Variants in EDA2R observed in about 807,000 individuals in gnomAD.
EDA2R encodes tumor necrosis factor receptor superfamily member 27.
EDA2R carries 26 observed loss-of-function variants against 20.1 expected under a neutral mutation model. The observed-to-expected ratio is 1.30, with a 90% CI of 0.95 to 1.80. EDA2R has a LOEUF of 1.80. Ranked by LOEUF, EDA2R falls within the 40% of genes most tolerant of loss-of-function variation. The pLI is 0.00. For missense variants in EDA2R, 277 were observed against 228.7 expected, an observed-to-expected ratio of 1.21 and a Z score of -1.36; for synonymous variants, 114 against 88.7, an observed-to-expected ratio of 1.29 and a Z score of -1.60.
intron 2 of EDA2R, among the ~76,000 whole-genome samples, chrX:66,612,520 C>T (rs1156566152): frequency 1.8e-5 from 2 of 110,351 alleles, no homozygotes; most frequent in East Asian, 5.7e-4. Context: ...CTCAGAACCA[C>T]CTCTAAAAAA....
rs1927581222 is a variant in EDA2R, at chrX:66,597,084, A to T, written c.*1020T>A. On this transcript the variant is annotated 3_prime_UTR_variant, in exon 7 of 7. Transcript: ENST00000374719. ...GCTAGAACCTGGTGATGAAGTGCAC[A>T]TTCTGCCTAATGTACTTAATAAACC... The T allele has an allele frequency of 8.8e-6, 1 of 113,247 alleles. No individual in the cohort carries two copies. The highest frequency in any genetic ancestry group is 9.3e-5 in the Admixed American group (1 of 10,783). The allele number at this position is 113,247 out of a possible 1,213,427, so 9.3% of individuals were successfully genotyped here.
intron 2 of EDA2R, among the ~76,000 whole-genome samples, chrX:66,609,999 G>A (rs1462200831): frequency 1.8e-5 from 2 of 110,876 alleles, no homozygotes; most frequent in Admixed American, 9.6e-5. Context: ...ACTGCAACAC[G>A]AAGTCCAGAA....
chrX:66,632,809 T>A (rs1313024453), intron 1 of EDA2R, among the ~76,000 whole-genome samples: 1 of 111,660 alleles, frequency 9.0e-6, no homozygotes, highest in African/African-American at 3.3e-5. Context: ...GTGCCTGGAA[T>A]AGACATAATG....
At chrX:66,609,117 C>T (rs765731388) in intron 2 of EDA2R, among the ~76,000 whole-genome samples, 1 of 111,565 alleles carries the variant, frequency 9.0e-6, no homozygotes, top group African/African-American at 3.3e-5. Context: ...TTTAATAAGG[C>T]TGCTTAAAAA....
chrX:66,598,715 G>T (rs949094414), intron 6 of EDA2R, among the ~76,000 whole-genome samples: 2 of 112,099 alleles, frequency 1.8e-5, no homozygotes, highest in Non-Finnish European at 3.8e-5. Context: ...ATTTGTTCAC[G>T]TTTTCTTAGG....
chrX:66,606,762 C>T (rs1346427348), intron 2 of EDA2R, among the ~76,000 whole-genome samples: 1 of 112,219 alleles, frequency 8.9e-6, no homozygotes, highest in Non-Finnish European at 1.9e-5. Context: ...AGCCTGTATT[C>T]CTAGTGTGAG....
Position 66,597,926 on chromosome X carries a change from T to C in EDA2R, c.*178A>G, listed in dbSNP as rs1166535759. 1.6e-6 allele frequency: 1 copy of C among 642,258 alleles called. No homozygotes were observed. Among genetic ancestry groups the C allele is most frequent in the Non-Finnish European group, 2.1e-6 (1 of 486,105 alleles). 52.9% of individuals were successfully genotyped at this position (642,258 alleles called of 1,213,427 possible). On this transcript the variant is annotated 3_prime_UTR_variant, in exon 7 of 7. Transcript: ENST00000374719. ...GGAAGCAAGAAATGCTCCAGATCAG[T>C]CCTTGTGAAATGGAGAATCAATCCT...
At position 66,605,168 on chromosome X, in the gene EDA2R, T is replaced by C. The variant is rs1269296825; in HGVS notation, c.146A>G (p.Tyr49Cys). The C allele has an allele frequency of 5.0e-6, 6 of 1,210,136 alleles. No homozygotes were observed. The Admixed American group carries it at 8.7e-5, about 18-fold the overall frequency. Residue 49 changes from tyrosine to cysteine, a missense_variant, in exon 3 of 7, where the codon TAC (tyrosine) becomes TGC (cysteine). Tyr to Cys is a radical substitution (Grantham distance 194). Coordinates refer to ENST00000374719, the MANE Select transcript of EDA2R (RefSeq NM_021783.5). ...AYCTACPPRR[Y>C]KSSWGHHRCQ... ...TCTGTGGTGGCCCCAGCTGCTTTTG[T>C]ACCTGCGAGGAGGGCAGGCTGTGCA...
chrX:66,637,632 T>C (rs1465452109), intron 1 of EDA2R, among the ~76,000 whole-genome samples: 2 of 112,690 alleles, frequency 1.8e-5, no homozygotes, highest in Admixed American at 9.4e-5. Context: ...AAAGCAGTTG[T>C]TCCTATTTTC....
chrX:66,629,138 C>A, intron 1 of EDA2R, among the ~76,000 whole-genome samples: 1 of 111,837 alleles, frequency 8.9e-6, no homozygotes, highest in South Asian at 3.7e-4. Flanking sequence ...CAAAGTCTAG[C>A]ATCCCTTTAT....
chrX:66,600,519 C>G (rs192552965), intron 5 of EDA2R, among the ~76,000 whole-genome samples: 152 of 111,808 alleles, frequency 1.4e-3, no homozygotes, highest in Non-Finnish European at 2.4e-3. Context: ...TGTGCATGAT[C>G]AAGCAGATTC....
chrX:66,616,960 AGAGTT>A (rs1931795030), intron 1 of EDA2R, among the ~76,000 whole-genome samples: 1 of 112,574 alleles, frequency 8.9e-6, no homozygotes, highest in African/African-American at 3.2e-5. Context: ...AAAATAAGAC[AGAGTT>A]AAGTATGCAG....
chrX:66,630,904 T>C (rs954811931), intron 1 of EDA2R, among the ~76,000 whole-genome samples: 1 of 109,465 alleles, frequency 9.1e-6, no homozygotes, highest in Admixed American at 9.7e-5. Context: ...TATACATATA[T>C]ACACACACAT....
Position 66,602,756 on chromosome X carries a change from C to A in EDA2R, c.394G>T (p.Val132Leu). 8.4e-7 allele frequency: 1 copy of A among 1,196,394 alleles called. No homozygotes were observed. Residue 132 changes from valine (V) to leucine (L), a missense_variant, in exon 5 of 7, where the codon GTG becomes TTG. Coordinates refer to ENST00000374719, the MANE Select transcript of EDA2R (RefSeq NM_021783.5). ...ACAAGTGTGGCCTCCTGAGGGGGCA[C>A]TGTGGGTGTATCTGCCTCCACTAAG... ...LSLVEADTPTVPPQEATLVAL... is the reference protein window; with the variant it reads ...LSLVEADTPTLPPQEATLVAL...
Position 66,597,925 on chromosome X carries a change from G to A in EDA2R, c.*179C>T, listed in dbSNP as rs1419177808. On this transcript the variant is annotated 3_prime_UTR_variant, in exon 7 of 7. Transcript: ENST00000374719. Reference sequence around the variant, plus strand: ...GGGAAGCAAGAAATGCTCCAGATCAGTCCTTGTGAAATGGAGAATCAATCC... The same window carrying A: ...GGGAAGCAAGAAATGCTCCAGATCAATCCTTGTGAAATGGAGAATCAATCC... The A allele has an allele frequency of 3.2e-6, 2 of 633,088 alleles. No homozygotes were observed. The highest frequency in any genetic ancestry group is 4.2e-6 in the Non-Finnish European group (2 of 477,740). The allele number at this position is 633,088 out of a possible 1,213,427, so 52.2% of individuals were successfully genotyped here.
intron 1 of EDA2R, among the ~76,000 whole-genome samples, chrX:66,636,041 C>A (rs1159058031): frequency 9.1e-6 from 1 of 110,108 alleles, no homozygotes; most frequent in Non-Finnish European, 1.9e-5. Context: ...GCGGGCACTA[C>A]AAGTGCCCAG....
At chrX:66,621,831 G>A (rs1451941644) in intron 1 of EDA2R, among the ~76,000 whole-genome samples, 2 of 112,066 alleles carry the variant, frequency 1.8e-5, no homozygotes, top group Admixed American at 9.4e-5. Flanking sequence ...GGTGACGGTC[G>A]TGTGACTTTG....
Position 66,613,743 on chromosome X carries a change from C to T in EDA2R, c.87+2191G>A, listed in dbSNP as rs184285802. Among the ~76,000 whole-genome samples, 13 of 111,478 alleles carry T rather than the reference C, an allele frequency of 1.2e-4. No homozygotes were observed. The East Asian group carries it at 3.4e-3, about 29-fold the overall frequency. ...ATATTTCAAGAGTCTTAAAATCGTA[C>T]GCATTATTTAGCTTGGCAATTATAC... On this transcript the variant is annotated intron_variant, in intron 2 of 6. Transcript: ENST00000374719.
intron 1 of EDA2R, among the ~76,000 whole-genome samples, chrX:66,631,797 T>G (rs1933840968): frequency 9.0e-6 from 1 of 111,427 alleles, no homozygotes; most frequent in Non-Finnish European, 1.9e-5. Flanking sequence ...AGAATCTAAG[T>G]GCCATGAGAA....
Sources: allele counts gnomAD v4.1 joint callset (sites outside exome capture counted in the v4.1 genomes callset), GRCh38; gene constraint gnomAD v4.1.1; transcripts MANE v1.5; gene names NCBI Gene and HGNC (gene_info 2026-07-23, HGNC 2026-07-21).